The following ATP2C1 variants were observed in gnomAD, a reference collection of about 807,000 sequenced individuals.
The protein encoded by ATP2C1 is ATPase secretory pathway Ca2+ transporting 1.
In ATP2C1, 31 loss-of-function variants were observed where a neutral mutation model predicts 120.5. The observed-to-expected ratio is 0.26, with a 90% confidence interval of 0.19 to 0.35. ATP2C1 has a LOEUF of 0.35. Among genes scored for constraint, ATP2C1 ranks in the 10% least tolerant of loss-of-function variants. The probability of loss-of-function intolerance (pLI) is 1.00; values close to 1 mark genes in which losing one functional copy is unlikely to be tolerated. For synonymous variants in ATP2C1, 351 were observed against 358.7 expected (o/e 0.98, Z 0.24); for missense variants, 731 against 1,107.5 (o/e 0.66, Z 4.83).
intron 2 of ATP2C1, among the ~76,000 whole-genome samples, chr3:130,907,578 A>G (rs2058192625): frequency 6.6e-6 from 1 of 152,034 alleles, no homozygotes; most frequent in South Asian, 2.1e-4. Flanking sequence ...AATTGACCAG[A>G]AATTATGGGT....
rs905995238 is a variant in ATP2C1, at chr3:130,996,053, G to A, written c.2068G>A (p.Glu690Lys). 6 of 1,599,344 alleles carry A rather than the reference G, an allele frequency of 3.8e-6. No individual in the cohort carries two copies. The highest frequency in any genetic ancestry group is 1.7e-5 in the Admixed American group (1 of 59,964). ...TTTTTTAAATTTCAGGTCTGCAATC[G>A]AAGAGGGTAAAGGGATTTATAATAA... ...DDFQTIMSAIEEGKGIYNNIK... is the reference protein window; with the variant it reads ...DDFQTIMSAIKEGKGIYNNIK... Residue 690 changes from glutamate to lysine, a missense_variant, in exon 23 of 28, where the codon GAA becomes AAA. Around this residue, in one of 3 missense-constraint regions of ATP2C1, gnomAD observed 571 missense variants for 845.9 expected, o/e 0.67. Transcript: ENST00000510168.
intron 2 of ATP2C1, chr3:130,919,176 G>A (rs1026833904): frequency 1.7e-4 from 39 of 229,894 alleles, no homozygotes; most frequent in Non-Finnish European, 3.0e-4. Flanking sequence ...TGGGCTGGAG[G>A]GAGTGTCCAG....
intron 16 of ATP2C1, among the ~76,000 whole-genome samples, chr3:130,968,333 C>A (rs1029702856): frequency 6.6e-6 from 1 of 152,050 alleles, no homozygotes; most frequent in African/African-American, 2.4e-5. Flanking sequence ...TTTTTATGGG[C>A]AGAGACCTCA....
chr3:130,901,908 C>G (rs2057845434), intron 2 of ATP2C1, among the ~76,000 whole-genome samples: 1 of 151,992 alleles, frequency 6.6e-6, no homozygotes, highest in Non-Finnish European at 1.5e-5. Flanking sequence ...TGGGTTGTCA[C>G]AACTCAAAGT....
At chr3:130,960,911 C>T (rs1306945175) in intron 12 of ATP2C1, among the ~76,000 whole-genome samples, 1 of 152,040 alleles carries the variant, frequency 6.6e-6, no homozygotes, top group Non-Finnish European at 1.5e-5. Context: ...CTTACTTAGG[C>T]ATCTAAGAAA....
At chr3:130,991,049 C>T (rs933596211) in intron 20 of ATP2C1, among the ~76,000 whole-genome samples, 5 of 152,098 alleles carry the variant, frequency 3.3e-5, no homozygotes, top group African/African-American at 4.8e-5. Flanking sequence ...AATCCAAAGC[C>T]ATGTGCCTGG....
upstream of ATP2C1, chr3:130,893,827 G>T (rs1379937922): frequency 4.6e-6 from 3 of 652,084 alleles, no homozygotes. Context: ...GCGCCAGCAA[G>T]AACAAGGCGG....
chr3:130,939,430 T>TA (rs1317015281), intron 6 of ATP2C1, among the ~76,000 whole-genome samples: 5 of 152,208 alleles, frequency 3.3e-5, no homozygotes, highest in Admixed American at 1.3e-4. Context: ...GAAGTCACCT[T>TA]ACAATAAATT....
At chr3:130,900,794 A>C (rs1484127954) in intron 2 of ATP2C1, among the ~76,000 whole-genome samples, 1 of 152,178 alleles carries the variant, frequency 6.6e-6, no homozygotes, top group Non-Finnish European at 1.5e-5. Context: ...CTCTCATCTT[A>C]AATCGGAGCC....
chr3:130,853,641 C>T (rs2067746812), intron 1 of ATP2C1, among the ~76,000 whole-genome samples: 1 of 152,204 alleles, frequency 6.6e-6, no homozygotes, highest in Non-Finnish European at 1.5e-5. Context: ...CAGTGAAAAG[C>T]TTTCTCCAGT....
chr3:130,956,219 T>A, intron 11 of ATP2C1, 40 bp downstream of exon 11: 1 of 1,375,526 alleles, frequency 7.3e-7, no homozygotes, highest in Non-Finnish European at 1.0e-6. Context: ...TTATTTGAGT[T>A]TTGTTTTTTG....
chr3:130,914,708 A>C (rs929029319), intron 2 of ATP2C1, among the ~76,000 whole-genome samples: 5 of 152,190 alleles, frequency 3.3e-5, no homozygotes, highest in Non-Finnish European at 7.3e-5. Context: ...TAAAAACATA[A>C]ATGTGAATTA....
chr3:130,936,930 A>G (rs1415787140), intron 5 of ATP2C1, among the ~76,000 whole-genome samples: 2 of 152,098 alleles, frequency 1.3e-5, no homozygotes, highest in East Asian at 3.8e-4. Context: ...TTTAGCCTGA[A>G]CAATATGTTA....
At chr3:131,016,316 C>G (rs770151159) in exon 27 of ATP2C1, 2 of 1,614,190 alleles carry the variant, frequency 1.2e-6, no homozygotes, top group Non-Finnish European at 8.5e-7. Context: ...ATCTTAGCAC[C>G]ATCTTCCTGC....
chr3:130,923,255 C>G (rs2059047201), intron 2 of ATP2C1, among the ~76,000 whole-genome samples: 1 of 150,912 alleles, frequency 6.6e-6, no homozygotes, highest in Non-Finnish European at 1.5e-5. Flanking sequence ...GAGACAGAGT[C>G]TTGCTCTGTT....
chr3:130,973,795 T>G (rs2061431101), intron 17 of ATP2C1, among the ~76,000 whole-genome samples: 2 of 152,182 alleles, frequency 1.3e-5, no homozygotes, highest in Admixed American at 1.3e-4. Flanking sequence ...CACTGGAGGC[T>G]GGAAGATAAT....
chr3:130,935,878 T>C (rs2108395100), intron 5 of ATP2C1, among the ~76,000 whole-genome samples: 1 of 152,038 alleles, frequency 6.6e-6, no homozygotes, highest in Admixed American at 6.5e-5. Context: ...CATGAAACTC[T>C]TTTGTATATT....
At position 131,001,477 on chromosome 3, in the gene ATP2C1, A is replaced by G. The variant is rs767826698; in HGVS notation, c.*127A>G. On this transcript the variant is annotated 3_prime_UTR_variant, in exon 28 of 28. Coordinates refer to ENST00000510168, the MANE Select transcript of ATP2C1 (RefSeq NM_001378687.1). ...ATTCATTGACTAAAAATGAACATTA[A>G]TGTTAAAGACTTAAGACTTTAACCT... The G allele has an allele frequency of 8.2e-5, 117 of 1,418,432 alleles. No homozygotes were observed. Among genetic ancestry groups the G allele is most frequent in the Non-Finnish European group, 1.0e-4 (109 of 1,086,634 alleles). The allele number at this position is 1,418,432 out of a possible 1,614,324, so 87.9% of individuals were successfully genotyped here.
At position 130,999,584 on chromosome 3, in the gene ATP2C1, A is replaced by G; in HGVS notation, c.2554A>G (p.Ile852Val). The G allele has an allele frequency of 1.2e-6, 2 of 1,613,632 alleles. No homozygotes were observed. Among genetic ancestry groups the G allele is most frequent in the East Asian group, 2.2e-5 (1 of 44,798 alleles). Reference protein sequence around the residue: ...RMFCYAVLGSIMGQLLVIYFP... With the variant: ...RMFCYAVLGSVMGQLLVIYFP... ...GTTTTGCTATGCAGTTCTTGGATCC[A>G]TCATGGGACAATTACTAGTTATTTA... Residue 852 changes from isoleucine (I) to valine (V), a missense_variant, in exon 27 of 28, where the codon ATC becomes GTC. Around this residue, in one of 3 missense-constraint regions of ATP2C1, gnomAD observed 141 missense variants for 201.6 expected, o/e 0.70. Coordinates refer to ENST00000510168, the MANE Select transcript of ATP2C1 (RefSeq NM_001378687.1).
Sources: gnomAD v4.1 joint callset for allele counts (sites outside exome capture counted in the v4.1 genomes callset) on GRCh38, gnomAD v4.1.1 for gene constraint, gnomAD v4.1.1 regional missense constraint, MANE v1.5 for transcripts, NCBI Gene and HGNC (gene_info 2026-07-23, HGNC 2026-07-21) for gene names.